The following MED13 variants were observed in gnomAD, a reference collection of about 807,000 sequenced individuals.
The protein encoded by MED13 is mediator complex subunit 13, also known as mediator of RNA polymerase II transcription subunit 13.
A neutral mutation model predicts 225.2 loss-of-function variants in MED13; 23 were observed. That is an observed-to-expected ratio of 0.10 (90% CI 0.07 to 0.14). The LOEUF (loss-of-function observed/expected upper bound fraction) is 0.14, where lower values mean the gene tolerates loss of function less well. MED13 is among the 10% of genes least tolerant of loss of function. The pLI is 1.00. For synonymous variants in MED13, 942 were observed against 889.2 expected (o/e 1.06, Z -1.06); for missense variants, 2,197 against 2,594.5 (o/e 0.85, Z 3.33).
chr17:62,007,834 C>T lies in MED13; in HGVS notation c.1967+2716G>A, dbSNP rs181752031. On this transcript the variant is annotated intron_variant, in intron 9 of 29. Coordinates refer to ENST00000397786, the MANE Select transcript of MED13 (RefSeq NM_005121.3). ...CTTCACTCCAGCCTGGGCGAGAGAA[C>T]GAGACTACGTCTCAAAAAATAAAAA... Among the ~76,000 whole-genome samples the T allele has an allele frequency of 4.3e-3, 646 of 151,870 alleles. 4 individuals are homozygous for T. Among genetic ancestry groups the T allele is most frequent in the African/African-American group, 0.015 (621 of 41,392 alleles).
Position 61,948,366 on chromosome 17 carries a change from G to C in MED13, c.6292-1349C>G, listed in dbSNP as rs780951998. ...TAAATACTGAGTAGGAAAAGCTCTA[G>C]ATAGTCCCTTGGACTTTTTGTAAAG... On this transcript the variant is annotated intron_variant, in intron 28 of 29. Coordinates refer to ENST00000397786, the MANE Select transcript of MED13 (RefSeq NM_005121.3). 5.1e-4 allele frequency among the ~76,000 whole-genome samples: 77 copies of C among 152,300 alleles called. No homozygotes were observed. In the Middle Eastern group the frequency reaches 0.027, roughly 54 times the overall value.
At chr17:61,982,082 T>C in intron 16 of MED13, 116 bp downstream of exon 16, 2 of 978,976 alleles carry the variant, frequency 2.0e-6, no homozygotes, top group South Asian at 3.4e-5. Flanking sequence ...ATAAAGAGTT[T>C]TAAGTCCAAC....
At chr17:62,036,368 G>T (rs1164482638) in intron 3 of MED13, among the ~76,000 whole-genome samples, 2 of 152,120 alleles carry the variant, frequency 1.3e-5, no homozygotes, top group Non-Finnish European at 2.9e-5. Context: ...TGAAATTCAG[G>T]TATGGCTGGG....
chr17:62,057,621 C>T (rs1448272820), intron 2 of MED13, among the ~76,000 whole-genome samples: 1 of 152,232 alleles, frequency 6.6e-6, no homozygotes, highest in Non-Finnish European at 1.5e-5. Context: ...CTATTAACAG[C>T]TGTCATTTAA....
chr17:62,000,795 C>T (rs1443589712), intron 9 of MED13, among the ~76,000 whole-genome samples: 1 of 152,148 alleles, frequency 6.6e-6, no homozygotes, highest in Non-Finnish European at 1.5e-5. Context: ...TGGAGTCTTG[C>T]TCTGTTGCTC....
At chr17:61,975,038 G>A (rs2080142113) in intron 16 of MED13, among the ~76,000 whole-genome samples, 1 of 152,000 alleles carries the variant, frequency 6.6e-6, no homozygotes, top group Non-Finnish European at 1.5e-5. Context: ...TGTGATAGTA[G>A]GCCCCTGCAG....
intron 9 of MED13, among the ~76,000 whole-genome samples, chr17:62,003,439 C>G (rs1046931800): frequency 2.0e-5 from 3 of 151,834 alleles, no homozygotes; most frequent in Non-Finnish European, 2.9e-5. Flanking sequence ...CACCTCGTCT[C>G]TACTAAATAC....
At chr17:62,045,819 T>C (rs2080892884) in intron 3 of MED13, among the ~76,000 whole-genome samples, 2 of 152,224 alleles carry the variant, frequency 1.3e-5, no homozygotes. Flanking sequence ...TGCGGGATTC[T>C]TTACAGGTAA....
chr17:62,044,946 GCCA>G (rs1032602006), intron 3 of MED13, among the ~76,000 whole-genome samples: 1 of 152,172 alleles, frequency 6.6e-6, no homozygotes, highest in African/African-American at 2.4e-5. Context: ...ACAGGCATGA[GCCA>G]CCACATCTGG....
At chr17:62,058,510 G>C (rs1272936855) in intron 2 of MED13, among the ~76,000 whole-genome samples, 2 of 108,462 alleles carry the variant, frequency 1.8e-5, no homozygotes, top group Middle Eastern at 0.011. Context: ...GACAGAGCGA[G>C]ACTTCATCTC....
intron 3 of MED13, among the ~76,000 whole-genome samples, chr17:62,042,244 T>C (rs923469052): frequency 1.3e-5 from 2 of 152,176 alleles, no homozygotes; most frequent in African/African-American, 2.4e-5. Context: ...TCAGTGAACA[T>C]ATTACTTACA....
rs1170326514 is a variant in MED13, at chr17:61,942,650, G to GT, written c.*3817dup. ...TATTCCATTTGAAGTTTTGTTTTTT[G>GT]TTTTTGTTTTTTTTTTTTTAAAAAG... On this transcript the variant is annotated 3_prime_UTR_variant, in exon 30 of 30. Transcript: ENST00000397786. 1 of 147,730 alleles carries GT rather than the reference G, an allele frequency of 6.8e-6. No individual in the cohort carries two copies. The highest frequency in any genetic ancestry group is 6.7e-5 in the Admixed American group (1 of 14,844). 9.2% of individuals were successfully genotyped at this position (147,730 alleles called of 1,614,324 possible). A position where few individuals can be genotyped will look rare whatever the true frequency, so the allele number is the denominator to read the frequency against.
At chr17:62,014,418 G>A (rs982656170) in intron 8 of MED13, among the ~76,000 whole-genome samples, 5 of 151,796 alleles carry the variant, frequency 3.3e-5, no homozygotes, top group Non-Finnish European at 5.9e-5. Context: ...CTGCGTTCAA[G>A]CGATTCTCCC....
chr17:62,003,599 C>CAAAAAGAAAAAAAAAAAAAAAAAA (rs2080417297), intron 9 of MED13: 1 of 51,744 alleles, frequency 1.9e-5, no homozygotes, highest in Non-Finnish European at 3.3e-5. Context: ...CAGCAAAACT[C>CAAAAAGAAAAAAAAAAAAAAAAAA]AAAAAAAAAA....
In MED13 at chr17:61,951,257, A is replaced by C. The variant is rs142935181; in HGVS notation, c.6118-259T>G. ...GTATTATTATGCCAAGTTCACGGGA[A>C]AGTTTGTAAAACTTCACAGATGAGT... is the stretch of plus-strand genomic sequence containing the variant. On this transcript the variant is annotated intron_variant, in intron 27 of 29. Coordinates refer to ENST00000397786, the MANE Select transcript of MED13 (RefSeq NM_005121.3). Among the ~76,000 whole-genome samples the C allele has an allele frequency of 3.3e-3, 496 of 152,362 alleles. 3 individuals carry two copies. The highest frequency in any genetic ancestry group is 0.014 in the Middle Eastern group (4 of 294).
Position 62,029,909 on chromosome 17 carries a change from C to T in MED13, c.1114G>A (p.Ala372Thr), listed in dbSNP as rs1333260429. 4.3e-6 allele frequency: 7 copies of T among 1,614,002 alleles called. No individual in the cohort carries two copies. Among genetic ancestry groups the T allele is most frequent in the Non-Finnish European group, 5.9e-6 (7 of 1,179,978 alleles). ...CAAACTCTATCCACCACATGATTTG[C>T]TAATTTTCTGGGTATTTTCCCACCA... is the stretch of plus-strand genomic sequence containing the variant. ...HHGGKIPRKL[A>T]NHVVDRVWQE... Residue 372 changes from alanine (A) to threonine (T), a missense_variant, in exon 7 of 30, where the codon GCA becomes ACA. By Grantham distance (58) the Ala-to-Thr change is moderately conservative (BLOSUM62 0). This residue lies in a region of MED13 where 884 missense variants were observed against 918.5 expected (regional missense o/e 0.96). Transcript: ENST00000397786.
chr17:61,998,228 G>A (rs1603399791), intron 9 of MED13, among the ~76,000 whole-genome samples: 2 of 152,000 alleles, frequency 1.3e-5, no homozygotes, highest in African/African-American at 2.4e-5. Flanking sequence ...TTCCTCAAAC[G>A]AACTTTCACA....
At chr17:62,022,915 CAGG>C (rs1300504509) in intron 8 of MED13, among the ~76,000 whole-genome samples, 1 of 152,030 alleles carries the variant, frequency 6.6e-6, no homozygotes, top group African/African-American at 2.4e-5. Context: ...GAGACTGAGG[CAGG>C]AGGATCGTTT....
At position 62,063,162 on chromosome 17, in the gene MED13, C is replaced by A. The variant is rs1233950871; in HGVS notation, c.206G>T (p.Trp69Leu). 6.2e-7 allele frequency: 1 copy of A among 1,614,164 alleles called. No individual in the cohort carries two copies. The change falls in exon 2 of 30, where the codon TGG (tryptophan) becomes TTG (leucine). Residue 69 changes from tryptophan to leucine, a missense_variant. By Grantham distance (61) the Trp-to-Leu change is moderately conservative (BLOSUM62 -2). Transcript: ENST00000397786. ...RCLKADVLGV[W>L]RRDQRPGRRE... ...TCTTCCAGGTCTTTGATCTCGCCGC[C>A]AAACACCAAGTACATCTGCCTTAAG... is the stretch of plus-strand genomic sequence containing the variant.
Sources: allele counts gnomAD v4.1 joint callset (sites outside exome capture counted in the v4.1 genomes callset), GRCh38; gene constraint gnomAD v4.1.1; regional missense constraint gnomAD v4.1.1; transcripts MANE v1.5; gene names NCBI Gene and HGNC (gene_info 2026-07-23, HGNC 2026-07-21).